The following STXBP5L variants were observed in gnomAD, a reference collection of about 807,000 sequenced individuals.
STXBP5L encodes the protein syntaxin-binding protein 5-like.
A neutral mutation model predicts 144.5 loss-of-function variants in STXBP5L; 65 were observed. The observed-to-expected ratio is 0.45, with a 90% CI of 0.37 to 0.55. The LOEUF (loss-of-function observed/expected upper bound fraction) is 0.55. Among genes scored for constraint, STXBP5L ranks in the 20% least tolerant of loss-of-function variants. The pLI is 0.00. For missense variants in STXBP5L, 1,298 were observed against 1,405.5 expected (o/e 0.92, Z 1.22); for synonymous variants, 505 against 469.6 (o/e 1.08, Z -0.97).
At chr3:121,239,590 C>G (rs1009362790) in intron 13 of STXBP5L, among the ~76,000 whole-genome samples, 3 of 150,696 alleles carry the variant, frequency 2.0e-5, no homozygotes, top group Admixed American at 1.3e-4. Context: ...GCATCATTCT[C>G]AGTAAACTAT....
intron 3 of STXBP5L, among the ~76,000 whole-genome samples, chr3:121,000,905 C>G (rs1477294193): frequency 6.6e-6 from 1 of 152,154 alleles, no homozygotes; most frequent in Admixed American, 6.5e-5. Flanking sequence ...CACTCTTGGG[C>G]TGTGCACTTT....
rs563688909 is a variant in STXBP5L, at chr3:120,936,960, G to A, written c.190-17980G>A. On this transcript the variant is annotated intron_variant, in intron 2 of 26. Transcript: ENST00000471454. ...TATAATTAGGACTCAGTCTTTTAGTGAGCCTGTGTCCTTGGGCTGTGACCT... is the reference window on the plus strand; with the variant it reads ...TATAATTAGGACTCAGTCTTTTAGTAAGCCTGTGTCCTTGGGCTGTGACCT... Among the ~76,000 whole-genome samples the A allele has an allele frequency of 5.3e-5, 8 of 152,248 alleles. No homozygotes were observed. The South Asian group carries it at 1.7e-3, about 32-fold the overall frequency.
At chr3:121,148,854 T>C (rs972068660) in intron 7 of STXBP5L, among the ~76,000 whole-genome samples, 3 of 152,110 alleles carry the variant, frequency 2.0e-5, no homozygotes, top group African/African-American at 7.2e-5. Context: ...GTAAAATGAA[T>C]AAATTAATTT....
At chr3:121,018,023 G>T (rs556833945) in intron 3 of STXBP5L, among the ~76,000 whole-genome samples, 4 of 152,190 alleles carry the variant, frequency 2.6e-5, no homozygotes, top group Non-Finnish European at 4.4e-5. Flanking sequence ...AGGTTGCAGT[G>T]AGCCACGATC....
At chr3:121,133,314 C>T (rs1473823169) in intron 7 of STXBP5L, among the ~76,000 whole-genome samples, 1 of 152,098 alleles carries the variant, frequency 6.6e-6, no homozygotes, top group Admixed American at 6.5e-5. Context: ...CCAAAGAAAT[C>T]TATGTTCAGA....
At chr3:121,228,080 A>T (rs181231813) in intron 11 of STXBP5L, among the ~76,000 whole-genome samples, 46 of 152,340 alleles carry the variant, frequency 3.0e-4, no homozygotes, top group Admixed American at 1.2e-3. Context: ...ACTTTCTTTA[A>T]TAGAATGGTG....
At chr3:121,011,474 A>G (rs12494552) in intron 3 of STXBP5L, among the ~76,000 whole-genome samples, 15,033 of 151,656 alleles carry the variant, frequency 0.099, 1,175 homozygotes, top group Admixed American at 0.2. Context: ...CTCAAATGGT[A>G]TAAGGACAAG....
intron 22 of STXBP5L, among the ~76,000 whole-genome samples, chr3:121,383,904 T>C (rs2046371048): frequency 6.6e-6 from 1 of 152,140 alleles, no homozygotes; most frequent in Admixed American, 6.6e-5. Context: ...ATGGGAACCA[T>C]TAAAGAAGGT....
intron 3 of STXBP5L, among the ~76,000 whole-genome samples, chr3:120,985,848 G>A (rs572793570): frequency 3.3e-5 from 5 of 150,658 alleles, no homozygotes; most frequent in Admixed American, 1.3e-4. Flanking sequence ...TGTGAATTTT[G>A]TTCATCTTTC....
intron 5 of STXBP5L, among the ~76,000 whole-genome samples, chr3:121,113,107 TA>T (rs1432334258): frequency 6.6e-6 from 1 of 152,226 alleles, no homozygotes; most frequent in East Asian, 1.9e-4. Flanking sequence ...AAAAAGTAGT[TA>T]CTAGTTCAAG....
rs545903830 is a variant in STXBP5L, at chr3:121,262,251, A to T, written c.1958+3083A>T. Among the ~76,000 whole-genome samples, 11 of 152,326 alleles carry T rather than the reference A, an allele frequency of 7.2e-5. No individual in the cohort carries two copies. In the East Asian group the frequency reaches 2.1e-3, roughly 29 times the overall value. On this transcript the variant is annotated intron_variant, in intron 18 of 26. Coordinates refer to ENST00000471454, the MANE Select transcript of STXBP5L (RefSeq NM_001308330.2). ...AAATTTATGTCTTTCTCATATGCAA[A>T]ATACATTCTTTTGATTCTAATAGCT... is the stretch of plus-strand genomic sequence containing the variant.
chr3:121,388,539 T>C (rs1560046401), intron 22 of STXBP5L, among the ~76,000 whole-genome samples: 1 of 152,194 alleles, frequency 6.6e-6, no homozygotes, highest in Non-Finnish European at 1.5e-5. Context: ...TTGTCATAAA[T>C]AGGTCGTATT....
intron 18 of STXBP5L, among the ~76,000 whole-genome samples, chr3:121,278,621 T>C (rs1281823925): frequency 2.0e-5 from 3 of 152,044 alleles, no homozygotes; most frequent in African/African-American, 7.2e-5. Flanking sequence ...TCAATTCTTT[T>C]TGCATGGAAA....
chr3:120,913,439 T>C (rs900183732), intron 2 of STXBP5L, among the ~76,000 whole-genome samples: 2 of 152,062 alleles, frequency 1.3e-5, no homozygotes, highest in African/African-American at 4.8e-5. Context: ...GGGCACTTGA[T>C]ACACTTTAAA....
chr3:121,129,065 G>A (rs1349828956), intron 7 of STXBP5L, among the ~76,000 whole-genome samples: 1 of 152,020 alleles, frequency 6.6e-6, no homozygotes, highest in Non-Finnish European at 1.5e-5. Context: ...CCTCCAGTTA[G>A]AGGCGAGACA....
chr3:121,339,100 CAAACAAA>C (rs2044614676), intron 20 of STXBP5L, among the ~76,000 whole-genome samples: 1 of 151,892 alleles, frequency 6.6e-6, no homozygotes, highest in South Asian at 2.1e-4. Flanking sequence ...CAAAACAAAA[CAAACAAA>C]AAACAAAAAA....
At chr3:120,957,996 T>C (rs1202240714) in intron 3 of STXBP5L, among the ~76,000 whole-genome samples, 1 of 151,830 alleles carries the variant, frequency 6.6e-6, no homozygotes, top group African/African-American at 2.4e-5. Flanking sequence ...ATCAACAAAA[T>C]TGATAGACCG....
chr3:121,192,647 G>T (rs1477626363), intron 9 of STXBP5L, among the ~76,000 whole-genome samples: 1 of 152,156 alleles, frequency 6.6e-6, no homozygotes, highest in Non-Finnish European at 1.5e-5. Flanking sequence ...GAACAGAACA[G>T]AGGCCTCAGA....
At chr3:121,089,744 T>A (rs778144326) in intron 5 of STXBP5L, among the ~76,000 whole-genome samples, 1 of 152,012 alleles carries the variant, frequency 6.6e-6, no homozygotes, top group Admixed American at 6.6e-5. Context: ...TCCCATAGGT[T>A]TCTGAAGCTC....
Sources: allele counts gnomAD v4.1 joint callset (sites outside exome capture counted in the v4.1 genomes callset), GRCh38; gene constraint gnomAD v4.1.1; transcripts MANE v1.5; gene names NCBI Gene and HGNC (gene_info 2026-07-23, HGNC 2026-07-21).